RNF24: variants seen among roughly 807,000 people sequenced by gnomAD.
RNF24 encodes the protein ring finger protein 24.
Under a neutral mutation model 20.0 loss-of-function variants are expected in RNF24, and 14 were observed. The observed-to-expected ratio is 0.70, with a 90% CI of 0.46 to 1.10. The LOEUF is 1.10. Among genes scored for constraint, RNF24 ranks in the 50% least tolerant of loss-of-function variants. RNF24 has a pLI of 0.00. For missense variants in RNF24, 124 were observed against 177.6 expected (o/e 0.70, Z 1.71); for synonymous variants, 45 against 61.1 (o/e 0.74, Z 1.23).
rs979503225 is a variant in RNF24, at chr20:3,927,632, C to T, written c.*6431G>A. The T allele has an allele frequency of 2.6e-5, 4 of 152,154 alleles. No homozygotes were observed. Among genetic ancestry groups the T allele is most frequent in the African/African-American group, 2.4e-5 (1 of 41,424 alleles). The allele number at this position is 152,154 out of a possible 1,614,324, so 9.4% of individuals were successfully genotyped here. On this transcript the variant is annotated 3_prime_UTR_variant, in exon 6 of 6. Transcript: ENST00000358395. ...GCAATGATGTCAGAAGACCAAGAGGCGATAGTTACCAGCAACACTCTAGGA... is the reference window on the plus strand; with the variant it reads ...GCAATGATGTCAGAAGACCAAGAGGTGATAGTTACCAGCAACACTCTAGGA...
chr20:3,934,800 G>A lies in RNF24; in HGVS notation c.308+194C>T, dbSNP rs559800843. 2.0e-5 allele frequency among the ~76,000 whole-genome samples: 3 copies of A among 152,174 alleles called. No homozygotes were observed. Among genetic ancestry groups the A allele is most frequent in the Admixed American group, 6.5e-5 (1 of 15,278 alleles). On this transcript the variant is annotated intron_variant, in intron 5 of 5. Transcript: ENST00000358395. This position sits in a 1 kb window ranked among gnomAD's most constrained non-coding sequence, Gnocchi z 4.0. ...CCCATAGTCCTGACGTGGTGGTCAC[G>A]TTCCACCACTCTGCTGTCTCCTAAT...
chr20:3,963,773 T>G, intron 2 of RNF24, 102 bp downstream of exon 2: 1 of 912,790 alleles, frequency 1.1e-6, no homozygotes, highest in Non-Finnish European at 1.6e-6. Context: ...TTTTAAAAAT[T>G]TGCCAATTAT....
chr20:3,986,447 G>A (rs1299371600), intron 1 of RNF24, among the ~76,000 whole-genome samples: 1 of 151,956 alleles, frequency 6.6e-6, no homozygotes, highest in Non-Finnish European at 1.5e-5. Context: ...GTAGAGATGG[G>A]GTTTAACCAT....
chr20:3,928,425 TCTAA>T lies in RNF24; in HGVS notation c.*5634_*5637del, dbSNP rs763871299. ...CCCAGGGCTGCCTGGAGGAAGCAGC[TCTAA>T]CTTTCATCAGCGGGGACAAAAATGA... is the stretch of plus-strand genomic sequence containing the variant. On this transcript the variant is annotated 3_prime_UTR_variant, in exon 6 of 6. Transcript: ENST00000358395. 6 of 152,186 alleles carry T rather than the reference TCTAA, an allele frequency of 3.9e-5. No individual in the cohort carries two copies. The highest frequency in any genetic ancestry group is 2.1e-4 in the South Asian group (1 of 4,830). 9.4% of individuals were successfully genotyped at this position (152,186 alleles called of 1,614,324 possible). A position where few individuals can be genotyped will look rare whatever the true frequency, so the allele number is the denominator to read the frequency against.
At chr20:3,977,951 G>A (rs991356718) in intron 1 of RNF24, among the ~76,000 whole-genome samples, 1 of 151,932 alleles carries the variant, frequency 6.6e-6, no homozygotes, top group African/African-American at 2.4e-5. Flanking sequence ...AGGAGAAGCT[G>A]GTTAACACGT....
At chr20:3,977,877 A>G (rs1979018300) in intron 1 of RNF24, among the ~76,000 whole-genome samples, 1 of 151,682 alleles carries the variant, frequency 6.6e-6, no homozygotes, top group South Asian at 2.1e-4. Flanking sequence ...AAAAAAAAAA[A>G]AAAAGGGCTC....
At chr20:3,967,992 A>AAAAG (rs1462127890) in intron 1 of RNF24, among the ~76,000 whole-genome samples, 3 of 145,406 alleles carry the variant, frequency 2.1e-5, no homozygotes, top group African/African-American at 5.3e-5. Flanking sequence ...AAAAAAAAAA[A>AAAAG]AAAGAAAGAA....
In RNF24 at chr20:3,934,094, C is replaced by T. The variant is rs1417329449; in HGVS notation, c.416G>A (p.Gly139Glu). ...AATGTTCTCTGCCCCAGGAAGGGGC[C>T]CCTGAGGGGGTCCACGGTCCTGCTT... is the stretch of plus-strand genomic sequence containing the variant. The part of the protein sequence containing the change: ...HSKQDRGPPQ[G>E]PLPGAENIV Residue 139 changes from glycine (G) to glutamate (E), a missense_variant, in exon 6 of 6, where the codon GGG (glycine) becomes GAG (glutamate). Transcript: ENST00000358395. The surrounding 1 kb of genome is among the most constrained non-coding windows in gnomAD (Gnocchi z 4.0). The T allele has an allele frequency of 1.3e-6, 2 of 1,528,792 alleles. No homozygotes were observed. Among genetic ancestry groups the T allele is most frequent in the South Asian group, 2.5e-5 (2 of 78,862 alleles). The allele number at this position is 1,528,792 out of a possible 1,614,324, so 94.7% of individuals were successfully genotyped here.
intron 1 of RNF24, among the ~76,000 whole-genome samples, chr20:3,967,885 C>T (rs190138145): frequency 6.9e-5 from 10 of 144,760 alleles, no homozygotes; most frequent in South Asian, 4.4e-4. Context: ...CCCAGCTACT[C>T]GGGAGGCTGA....
chr20:3,992,971 T>C (rs1218351847), intron 1 of RNF24, among the ~76,000 whole-genome samples: 1 of 152,234 alleles, frequency 6.6e-6, no homozygotes, highest in African/African-American at 2.4e-5. Flanking sequence ...ATATCATCTA[T>C]GGATTTTGAT....
At chr20:4,009,594 T>C (rs1982271706) in intron 1 of RNF24, among the ~76,000 whole-genome samples, 1 of 152,036 alleles carries the variant, frequency 6.6e-6, no homozygotes, top group Admixed American at 6.6e-5. Flanking sequence ...CAATGAACTA[T>C]GAGGTCAGCT....
intron 1 of RNF24, among the ~76,000 whole-genome samples, chr20:3,970,999 A>G (rs2147003114): frequency 6.6e-6 from 1 of 152,358 alleles, no homozygotes; most frequent in South Asian, 2.1e-4. Flanking sequence ...AACTCCAAAG[A>G]GAATAAACCC....
At position 3,934,320 on chromosome 20, in the gene RNF24, C is replaced by T. The variant is rs2090864326; in HGVS notation, c.309-119G>A. The T allele has an allele frequency of 9.1e-6, 9 of 988,246 alleles. No individual in the cohort carries two copies. The South Asian group carries it at 1.3e-4, about 14-fold the overall frequency. The allele number at this position is 988,246 out of a possible 1,614,324, so 61.2% of individuals were successfully genotyped here. ...CGTCTGCTGTATGGTCCAAGGAGCT[C>T]CCCTCCTAGGTGGTGAACGGATGTC... On this transcript the variant is annotated intron_variant, in intron 5 of 5. Coordinates refer to ENST00000358395, the MANE Select transcript of RNF24 (RefSeq NM_001134337.3). The surrounding 1 kb of genome is among the most constrained non-coding windows in gnomAD (Gnocchi z 4.0).
rs887560732 is a variant in RNF24, at chr20:3,932,898, ACACTTT to A, written c.*1159_*1164del. The A allele has an allele frequency of 1.3e-5, 5 of 398,466 alleles. No individual in the cohort carries two copies. Among genetic ancestry groups the A allele is most frequent in the African/African-American group, 2.1e-5 (1 of 48,610 alleles). The allele number at this position is 398,466 out of a possible 1,614,324, so 24.7% of individuals were successfully genotyped here. A position where few individuals can be genotyped will look rare whatever the true frequency, so the allele number is the denominator to read the frequency against. ...CAGCATGCGTTTCTCTCCTATAAAGACACTTTCACTTTCAGTTTCGGAAGTCCAAAT... is the reference window on the plus strand; with the variant it reads ...CAGCATGCGTTTCTCTCCTATAAAGACACTTTCAGTTTCGGAAGTCCAAAT... On this transcript the variant is annotated 3_prime_UTR_variant, in exon 6 of 6. Transcript: ENST00000358395.
At chr20:3,960,062 ATAC>A (rs1197852316) in intron 2 of RNF24, among the ~76,000 whole-genome samples, 2 of 152,196 alleles carry the variant, frequency 1.3e-5, no homozygotes, top group African/African-American at 4.8e-5. Context: ...AGCACATTCT[ATAC>A]TACAATCCTG....
chr20:3,959,776 T>C (rs2091181813), intron 2 of RNF24, among the ~76,000 whole-genome samples: 1 of 152,234 alleles, frequency 6.6e-6, no homozygotes, highest in South Asian at 2.1e-4. Flanking sequence ...TGGTACTTCT[T>C]GATTTTTTAG....
At chr20:3,941,111 G>A (rs143513984) in intron 4 of RNF24, among the ~76,000 whole-genome samples, 49 of 152,202 alleles carry the variant, frequency 3.2e-4, no homozygotes, top group African/African-American at 7.5e-4. Context: ...TCACTGTAGC[G>A]TCGACCTCCC....
In RNF24 at chr20:3,931,128, T is replaced by A. The variant is rs2090816205; in HGVS notation, c.*2935A>T. 2 of 152,248 alleles carry A rather than the reference T, an allele frequency of 1.3e-5. No homozygotes were observed. The highest frequency in any genetic ancestry group is 4.1e-4 in the South Asian group (2 of 4,834). 9.4% of individuals were successfully genotyped at this position (152,248 alleles called of 1,614,324 possible). A position where few individuals can be genotyped will look rare whatever the true frequency, so the allele number is the denominator to read the frequency against. ...ATTCAGTTGTACCCCTAGCAACTAC[T>A]AATGGTTCAGCCACCCGTGGAGTCC... On this transcript the variant is annotated 3_prime_UTR_variant, in exon 6 of 6. Coordinates refer to ENST00000358395, the MANE Select transcript of RNF24 (RefSeq NM_001134337.3).
intron 1 of RNF24, among the ~76,000 whole-genome samples, chr20:3,966,561 T>G (rs1246095471): frequency 6.7e-6 from 1 of 149,288 alleles, no homozygotes; most frequent in Non-Finnish European, 1.5e-5. Flanking sequence ...AAAGGAAGCC[T>G]TGACAAAAAT....
Sources: gnomAD v4.1 joint callset for allele counts (sites outside exome capture counted in the v4.1 genomes callset) on GRCh38, gnomAD v4.1.1 for gene constraint, Gnocchi (gnomAD v3.1) non-coding constraint, MANE v1.5 for transcripts, NCBI Gene and HGNC (gene_info 2026-07-23, HGNC 2026-07-21) for gene names.